The following PPP6R3 variants were observed in gnomAD, a reference collection of about 807,000 sequenced individuals.
The protein encoded by PPP6R3 is protein phosphatase 6 regulatory subunit 3, also known as serine/threonine-protein phosphatase 6 regulatory subunit 3.
In PPP6R3, 38 loss-of-function variants were observed where a neutral mutation model predicts 110.7. The observed-to-expected ratio is 0.34, with a 90% CI of 0.26 to 0.45. PPP6R3 has a LOEUF of 0.45. Among genes scored for constraint, PPP6R3 ranks in the 20% least tolerant of loss-of-function variants. PPP6R3 has a pLI of 1.00. For missense variants in PPP6R3, 870 were observed against 1,062.4 expected, an observed-to-expected ratio of 0.82 and a Z score of 2.52; for synonymous variants, 369 against 373.5, an observed-to-expected ratio of 0.99 and a Z score of 0.14.
intron 1 of PPP6R3, among the ~76,000 whole-genome samples, chr11:68,497,564 A>G (rs1187377317): frequency 1.3e-5 from 2 of 151,494 alleles, no homozygotes; most frequent in Non-Finnish European, 2.9e-5. Context: ...CACGTTGCCC[A>G]TGCTGGTCTC....
At position 68,601,893 on chromosome 11, in the gene PPP6R3, A is replaced by G. The variant is rs1273793827; in HGVS notation, c.2223A>G (p.Pro741=). 1.9e-6 allele frequency: 3 copies of G among 1,613,392 alleles called. No individual in the cohort carries two copies. The South Asian group carries it at 3.3e-5, about 18-fold the overall frequency. Residue 741 remains proline (P), a synonymous_variant, in exon 21 of 24, where the codon CCA becomes CCG. Coordinates refer to ENST00000393800, the MANE Select transcript of PPP6R3 (RefSeq NM_001164161.2). ...AAGATTCTTTAAGGAGTAATTCTCC[A>G]GTGGAAATGGAAACCAGCACTGAAC... is the stretch of plus-strand genomic sequence containing the variant. The part of the protein sequence containing the change: ...STKDSLRSNS[P]VEMETSTEPM...
chr11:68,551,835 G>C (rs2099381564), intron 6 of PPP6R3, among the ~76,000 whole-genome samples: 1 of 152,158 alleles, frequency 6.6e-6, no homozygotes, highest in Non-Finnish European at 1.5e-5. Flanking sequence ...GGCCACATTT[G>C]CATTTGTTTT....
rs1412353182 is a variant in PPP6R3, at chr11:68,545,064, C to G, written c.414+40C>G. On this transcript the variant is annotated intron_variant, in intron 4 of 23. Coordinates refer to ENST00000393800, the MANE Select transcript of PPP6R3 (RefSeq NM_001164161.2). ...CCAAAAGGTAAGTATTAGGGCTGAT[C>G]ATCCCCTTGAGGTGATCCCCCAGTA... 2.7e-6 allele frequency: 4 copies of G among 1,491,522 alleles called. 1 individual carries two copies. In the South Asian group the frequency reaches 4.8e-5, roughly 18 times the overall value. 92.4% of individuals were successfully genotyped at this position (1,491,522 alleles called of 1,614,324 possible). A position where few individuals can be genotyped will look rare whatever the true frequency, so the allele number is the denominator to read the frequency against.
At chr11:68,591,865 G>A (rs536153528) in intron 18 of PPP6R3, among the ~76,000 whole-genome samples, 159 bp downstream of exon 18, 81 of 152,272 alleles carry the variant, frequency 5.3e-4, no homozygotes, top group Non-Finnish European at 1.0e-3. Flanking sequence ...GGGAGTTGGT[G>A]CTTCCAGTGT....
At position 68,596,103 on chromosome 11, in the gene PPP6R3, G is replaced by A; in HGVS notation, c.1923G>A (p.Gly641=). ...TPESQRRSSS[G]STDSEESTDS... is the part of the protein sequence containing the mutation. ...GGGTCTTGTTTTTCCTTAGCTCGGG[G>A]AGTACAGACAGTGAGGAAAGTACAG... The change falls in exon 19 of 24, where the codon GGG becomes GGA. Residue 641 remains glycine, a synonymous_variant. Coordinates refer to ENST00000393800, the MANE Select transcript of PPP6R3 (RefSeq NM_001164161.2). 1.2e-6 allele frequency: 2 copies of A among 1,614,202 alleles called. No individual in the cohort carries two copies. Among genetic ancestry groups the A allele is most frequent in the East Asian group, 2.2e-5 (1 of 44,890 alleles).
chr11:68,582,256 A>G (rs957439678), intron 14 of PPP6R3, among the ~76,000 whole-genome samples: 1 of 152,232 alleles, frequency 6.6e-6, no homozygotes, highest in Admixed American at 6.5e-5. Context: ...CAAACTGTCC[A>G]TGTTTATCCC....
intron 2 of PPP6R3, among the ~76,000 whole-genome samples, chr11:68,519,992 T>G (rs2099155997): frequency 6.6e-6 from 1 of 152,174 alleles, no homozygotes; most frequent in South Asian, 2.1e-4. Flanking sequence ...GCACCGGGAC[T>G]CTGTCTGTGT....
intron 2 of PPP6R3, among the ~76,000 whole-genome samples, chr11:68,521,552 C>T (rs567751206): frequency 3.3e-4 from 51 of 152,242 alleles, no homozygotes; most frequent in African/African-American, 1.2e-3. Context: ...TTCAAAGTCT[C>T]CAGGAGTCCT....
intron 14 of PPP6R3, among the ~76,000 whole-genome samples, chr11:68,576,731 TAGAC>T (rs1178908309): frequency 1.3e-5 from 2 of 152,222 alleles, no homozygotes; most frequent in South Asian, 2.1e-4. Flanking sequence ...GGCCTTTGCT[TAGAC>T]AGAAGCAGCA....
intron 12 of PPP6R3, among the ~76,000 whole-genome samples, chr11:68,573,594 C>T (rs1341690177): frequency 6.6e-6 from 1 of 152,104 alleles, no homozygotes; most frequent in African/African-American, 2.4e-5. Context: ...GGCCAAGTCT[C>T]ACATCAGCTA....
intron 12 of PPP6R3, among the ~76,000 whole-genome samples, chr11:68,573,155 A>ATATATAAT (rs1565936429): frequency 1.0e-4 from 3 of 29,574 alleles, no homozygotes; most frequent in Middle Eastern, 0.022. Flanking sequence ...TATATATATA[A>ATATATAAT]TTTTTTTTTT....
At chr11:68,593,418 T>G (rs2099601704) in intron 18 of PPP6R3, among the ~76,000 whole-genome samples, 1 of 152,174 alleles carries the variant, frequency 6.6e-6, no homozygotes, top group African/African-American at 2.4e-5. Context: ...TACACTACAG[T>G]TTGTTTATTC....
chr11:68,593,339 A>G (rs997108143), intron 18 of PPP6R3, among the ~76,000 whole-genome samples: 2 of 152,148 alleles, frequency 1.3e-5, no homozygotes, highest in Non-Finnish European at 2.9e-5. Context: ...CATGTTGTCT[A>G]ATGTATTAGT....
intron 10 of PPP6R3, among the ~76,000 whole-genome samples, chr11:68,568,465 C>G (rs2099488172): frequency 6.6e-6 from 1 of 152,184 alleles, no homozygotes; most frequent in Non-Finnish European, 1.5e-5. Flanking sequence ...CTAAATATGA[C>G]ATACTAAATT....
chr11:68,501,208 G>A lies in PPP6R3; in HGVS notation c.-157-18293G>A, dbSNP rs146604512. On this transcript the variant is annotated intron_variant, in intron 1 of 23. Coordinates refer to ENST00000393800, the MANE Select transcript of PPP6R3 (RefSeq NM_001164161.2). ...ACTCAAAATTCTTAAGTTCTTTGTG[G>A]GTTAACATTGAATTTGTAGTGTTCT... is the stretch of plus-strand genomic sequence containing the variant. Among the ~76,000 whole-genome samples, 719 of 152,234 alleles carry A rather than the reference G, an allele frequency of 4.7e-3. 3 individuals carry two copies. The highest frequency in any genetic ancestry group is 7.8e-3 in the Non-Finnish European group (533 of 68,002).
intron 14 of PPP6R3, among the ~76,000 whole-genome samples, chr11:68,579,580 A>G (rs1255423667): frequency 6.6e-6 from 1 of 152,248 alleles, no homozygotes; most frequent in Non-Finnish European, 1.5e-5. Context: ...CTGAAGATAC[A>G]GTACTAGACA....
intron 9 of PPP6R3, among the ~76,000 whole-genome samples, chr11:68,565,215 C>A (rs2099456774): frequency 6.6e-6 from 1 of 151,784 alleles, no homozygotes; most frequent in Non-Finnish European, 1.5e-5. Flanking sequence ...GTTTATTTAA[C>A]TATTTGGAGT....
intron 15 of PPP6R3, chr11:68,586,309 A>G (rs2099578338): frequency 6.6e-6 from 1 of 152,192 alleles, no homozygotes; most frequent in Non-Finnish European, 1.5e-5. Flanking sequence ...GCAGTTCAGA[A>G]GAACTGATTT....
intron 1 of PPP6R3, among the ~76,000 whole-genome samples, chr11:68,502,712 A>G (rs2153487073): frequency 6.6e-6 from 1 of 152,310 alleles, no homozygotes; most frequent in Middle Eastern, 3.4e-3. Flanking sequence ...GCCTTTCACA[A>G]CTAGGGTGTG....
Sources: gnomAD v4.1 joint callset for allele counts (sites outside exome capture counted in the v4.1 genomes callset) on GRCh38, gnomAD v4.1.1 for gene constraint, MANE v1.5 for transcripts, NCBI Gene and HGNC (gene_info 2026-07-23, HGNC 2026-07-21) for gene names.